Variants in SMYD3 observed in about 807,000 individuals in gnomAD.
SMYD3 encodes SET and MYND domain containing 3.
Under a neutral mutation model 57.7 loss-of-function variants are expected in SMYD3, and 36 were observed. That is an observed-to-expected ratio of 0.62 (90% CI 0.48 to 0.82). The LOEUF is 0.82. Among genes scored for constraint, SMYD3 ranks in the 40% least tolerant of loss-of-function variants. The pLI, the probability that SMYD3 is intolerant of heterozygous loss-of-function variation, is 0.00. For missense variants in SMYD3, 515 were observed against 538.8 expected, an observed-to-expected ratio of 0.96 and a Z score of 0.44; for synonymous variants, 211 against 195.0, an observed-to-expected ratio of 1.08 and a Z score of -0.68.
At chr1:246,398,557 G>C (rs184290380) in intron 1 of SMYD3, among the ~76,000 whole-genome samples, 5 of 152,352 alleles carry the variant, frequency 3.3e-5, no homozygotes, top group East Asian at 1.9e-4. Context: ...GAAATACTTA[G>C]AGTGGTTCTT....
intron 5 of SMYD3, among the ~76,000 whole-genome samples, chr1:245,941,184 C>T (rs866288075): frequency 2.0e-5 from 3 of 152,090 alleles, no homozygotes; most frequent in East Asian, 1.9e-4. Context: ...ACCAAATCTA[C>T]GAATGATTGG....
chr1:246,318,401 A>G (rs1159612828), intron 5 of SMYD3, among the ~76,000 whole-genome samples: 1 of 152,222 alleles, frequency 6.6e-6, no homozygotes, highest in Non-Finnish European at 1.5e-5. Context: ...GAAATGAAAT[A>G]AAATATAAAA....
At chr1:246,015,549 C>T (rs938491011) in intron 5 of SMYD3, among the ~76,000 whole-genome samples, 3 of 152,166 alleles carry the variant, frequency 2.0e-5, no homozygotes, top group African/African-American at 7.2e-5. Context: ...CCAGAACTTT[C>T]TTCATCTTCT....
chr1:246,490,905 A>G (rs2068258837), intron 1 of SMYD3, among the ~76,000 whole-genome samples: 1 of 152,204 alleles, frequency 6.6e-6, no homozygotes, highest in African/African-American at 2.4e-5. Flanking sequence ...AAGATCAATC[A>G]ATGAGAACTA....
At chr1:246,266,399 C>A (rs1047193907) in intron 5 of SMYD3, among the ~76,000 whole-genome samples, 1 of 151,640 alleles carries the variant, frequency 6.6e-6, no homozygotes, top group Non-Finnish European at 1.5e-5. Flanking sequence ...ATTTTGTTCA[C>A]ATTATTATTA....
At chr1:246,432,788 G>T (rs191815499) in intron 1 of SMYD3, among the ~76,000 whole-genome samples, 1 of 152,108 alleles carries the variant, frequency 6.6e-6, no homozygotes, top group Non-Finnish European at 1.5e-5. Context: ...AAAACATTCC[G>T]AAAGCTTTTT....
At chr1:246,044,158 C>A (rs1241827256) in intron 5 of SMYD3, among the ~76,000 whole-genome samples, 1 of 152,006 alleles carries the variant, frequency 6.6e-6, no homozygotes, top group Non-Finnish European at 1.5e-5. Flanking sequence ...GAATAAAGAC[C>A]AACTTGAACT....
chr1:245,812,394 C>T (rs1301577641), intron 10 of SMYD3, among the ~76,000 whole-genome samples: 1 of 152,170 alleles, frequency 6.6e-6, no homozygotes, highest in Non-Finnish European at 1.5e-5. Flanking sequence ...TCCCCTACTA[C>T]CAGGCACCAC....
chr1:246,351,031 T>C (rs756232184), intron 2 of SMYD3, among the ~76,000 whole-genome samples: 1 of 152,246 alleles, frequency 6.6e-6, no homozygotes, highest in Non-Finnish European at 1.5e-5. Flanking sequence ...TTGGTTATGG[T>C]AGTCTAAGAA....
At chr1:245,873,557 TGCA>T (rs2052333312) in intron 8 of SMYD3, among the ~76,000 whole-genome samples, 1 of 152,210 alleles carries the variant, frequency 6.6e-6, no homozygotes, top group African/African-American at 2.4e-5. Flanking sequence ...AGACCAAAGC[TGCA>T]GCCCTCATCT....
At chr1:245,999,870 A>AGTG (rs2059005828) in intron 5 of SMYD3, among the ~76,000 whole-genome samples, 1 of 152,222 alleles carries the variant, frequency 6.6e-6, no homozygotes, top group Non-Finnish European at 1.5e-5. Flanking sequence ...ATCCTGGCTC[A>AGTG]ATGACTTACT....
chr1:245,955,296 C>T (rs972799050), intron 5 of SMYD3, among the ~76,000 whole-genome samples: 62 of 152,244 alleles, frequency 4.1e-4, no homozygotes, highest in Admixed American at 2.9e-3. Flanking sequence ...GGGGTTTCAC[C>T]GCATTAGCCA....
chr1:245,820,311 T>A (rs1038231848), intron 10 of SMYD3, among the ~76,000 whole-genome samples: 1 of 151,382 alleles, frequency 6.6e-6, no homozygotes, highest in African/African-American at 2.4e-5. Context: ...ACTATCTCAA[T>A]AGATGCAGAA....
intron 10 of SMYD3, among the ~76,000 whole-genome samples, chr1:245,809,903 TTC>T (rs774268440): frequency 2.6e-5 from 4 of 152,204 alleles, no homozygotes; most frequent in Non-Finnish European, 4.4e-5. Flanking sequence ...AGATGACAGG[TTC>T]TCTCTCATTG....
At chr1:245,826,634 T>C (rs981339533) in intron 10 of SMYD3, among the ~76,000 whole-genome samples, 1 of 152,214 alleles carries the variant, frequency 6.6e-6, no homozygotes, top group Admixed American at 6.5e-5. Context: ...TAGTTCGTTT[T>C]CACACTGCTA....
intron 8 of SMYD3, among the ~76,000 whole-genome samples, chr1:245,913,645 GCTT>G (rs1342069060): frequency 6.6e-6 from 1 of 152,072 alleles, no homozygotes; most frequent in Non-Finnish European, 1.5e-5. Flanking sequence ...AAACCAAAAT[GCTT>G]CTGCAGAGCA....
intron 1 of SMYD3, among the ~76,000 whole-genome samples, chr1:246,374,998 CAGA>C (rs927512645): frequency 5.3e-5 from 8 of 152,254 alleles, no homozygotes; most frequent in African/African-American, 1.9e-4. Context: ...GAGGCTGAGG[CAGA>C]AGAATTGCTT....
intron 5 of SMYD3, among the ~76,000 whole-genome samples, chr1:246,006,087 T>C (rs1270868005): frequency 1.3e-5 from 2 of 152,150 alleles, no homozygotes; most frequent in Admixed American, 1.3e-4. Flanking sequence ...TGTTTTAGGA[T>C]TGGTTTTAAA....
intron 5 of SMYD3, among the ~76,000 whole-genome samples, chr1:246,027,563 T>C (rs1472937480): frequency 2.0e-5 from 3 of 152,214 alleles, no homozygotes; most frequent in African/African-American, 7.2e-5. Flanking sequence ...AAAGCCTGGG[T>C]GACAGCATAT....
Sources: allele counts gnomAD v4.1 joint callset (sites outside exome capture counted in the v4.1 genomes callset), GRCh38; gene constraint gnomAD v4.1.1; transcripts MANE v1.5; gene names NCBI Gene and HGNC (gene_info 2026-07-23, HGNC 2026-07-21).